CATSPER1: variants seen among roughly 807,000 people sequenced by gnomAD.
CATSPER1 encodes cation channel sperm associated 1.
CATSPER1 carries 57 observed loss-of-function variants against 72.7 expected under a neutral mutation model. The ratio of observed to expected loss-of-function variants is 0.78; its 90% CI spans 0.63 to 0.98. The LOEUF (loss-of-function observed/expected upper bound fraction) is 0.98, where lower values mean the gene tolerates loss of function less well. CATSPER1 is among the 50% of genes least tolerant of loss of function. The pLI is 0.00. For synonymous variants in CATSPER1, 363 were observed against 403.0 expected, an observed-to-expected ratio of 0.90 and a Z score of 1.19; for missense variants, 910 against 1,033.9, an observed-to-expected ratio of 0.88 and a Z score of 1.64.
rs772097950 is a variant in CATSPER1 at position 66,018,856 on chromosome 11, G to A, written c.2172C>T (p.Ile724=). Residue 724 remains isoleucine, a synonymous_variant, in exon 10 of 12, where the codon ATC becomes ATT. Transcript: ENST00000312106. ...CAGTCATGGTCCCAAACTTTTTCTC[G>A]ATGAGCCGCTTCAGCATGGTGCCTT... is the stretch of plus-strand genomic sequence containing the variant. ...ASEGTMLKRL[I]EKKFGTMTEK... is the part of the protein sequence containing the mutation. The A allele has an allele frequency of 3.1e-6, 5 of 1,613,804 alleles. No homozygotes were observed. The highest frequency in any genetic ancestry group is 4.2e-6 in the Non-Finnish European group (5 of 1,180,010).
chr11:66,019,148 C>T (rs867058821), intron 9 of CATSPER1, among the ~76,000 whole-genome samples: 17 of 152,290 alleles, frequency 1.1e-4, no homozygotes, highest in African/African-American at 4.1e-4. Context: ...CAGTCCATGT[C>T]CTTTGGCTGA....
At position 66,017,093 on chromosome 11, in the gene CATSPER1, G is replaced by C. The variant is rs534081949; in HGVS notation, c.2283C>G (p.Ala761=). ...TGGTGTCCACAATCTCATCGATGAC[G>C]GCTGCCTGGGAGCGGAACTTCTGCT... The part of the protein sequence containing the change: ...QEQQKFRSQA[A]VIDEIVDTTF... Residue 761 remains alanine, a synonymous_variant, in exon 11 of 12, where the codon GCC becomes GCG. Transcript: ENST00000312106. The C allele has an allele frequency of 6.2e-7, 1 of 1,613,750 alleles. No homozygotes were observed. Among genetic ancestry groups the C allele is most frequent in the Admixed American group, 1.7e-5 (1 of 59,996 alleles).
Position 66,020,120 on chromosome 11 carries a change from A to C in CATSPER1, c.2125+20T>G. The C allele has an allele frequency of 3.1e-6, 5 of 1,612,418 alleles. No individual in the cohort carries two copies. The highest frequency in any genetic ancestry group is 4.2e-6 in the Non-Finnish European group (5 of 1,179,520). ...CCACTGCGGACGGGCAGGTGGGGCC[A>C]GGGCGGGCCAGGCCCATACCTGCAG... On this transcript the variant is annotated intron_variant, in intron 9 of 11. Coordinates refer to ENST00000312106, the MANE Select transcript of CATSPER1 (RefSeq NM_053054.4). The surrounding 1 kb of genome is among the most constrained non-coding windows in gnomAD (Gnocchi z 4.5).
intron 10 of CATSPER1, among the ~76,000 whole-genome samples, chr11:66,018,377 A>G (rs1350812063): frequency 6.6e-6 from 1 of 152,046 alleles, no homozygotes; most frequent in Non-Finnish European, 1.5e-5. Context: ...GTGGACAGGA[A>G]TGGAGGTTGA....
chr11:66,018,962 C>G lies in CATSPER1; in HGVS notation c.2126-60G>C, dbSNP rs919740502. On this transcript the variant is annotated intron_variant, in intron 9 of 11. Transcript: ENST00000312106. ...TGGATTTGGAGAGGAGGCAGAGGAA[C>G]CCCATGTGTCAGGAAGATAAGGGCT... 20 of 1,405,394 alleles carry G rather than the reference C, an allele frequency of 1.4e-5. No homozygotes were observed. The South Asian group carries it at 1.6e-4, about 11-fold the overall frequency. 87.1% of individuals were successfully genotyped at this position (1,405,394 alleles called of 1,614,324 possible).
rs1395133552 is a variant in CATSPER1, at chr11:66,020,712, C to A, written c.1928-85G>T. On this transcript the variant is annotated intron_variant, in intron 6 of 11. Transcript: ENST00000312106. This position sits in a 1 kb window ranked among gnomAD's most constrained non-coding sequence, Gnocchi z 4.5. The stretch of plus-strand genomic sequence containing the variant: ...TGCTCCCTTCCCATACCCGGACATG[C>A]AGGCATCAGAAGCCCCACTTTGCCG... 1.3e-6 allele frequency: 2 copies of A among 1,595,694 alleles called. No homozygotes were observed. Among genetic ancestry groups the A allele is most frequent in the Admixed American group, 1.7e-5 (1 of 58,830 alleles).
intron 2 of CATSPER1, 75 bp from the exon 3 acceptor site, chr11:66,021,954 C>T: frequency 8.7e-7 from 1 of 1,152,130 alleles, no homozygotes; most frequent in Non-Finnish European, 1.3e-6. Context: ...ATTAGCCTCA[C>T]ACAAGCCCAG....
chr11:66,025,866 C>G lies in CATSPER1; in HGVS notation c.514G>C (p.Ala172Pro), dbSNP rs1178857660. 3.1e-6 allele frequency: 5 copies of G among 1,613,022 alleles called. No individual in the cohort carries two copies. The South Asian group carries it at 4.4e-5, about 14-fold the overall frequency. The change falls in exon 1 of 12, where the codon GCT (alanine) becomes CCT (proline). Residue 172 changes from alanine (A) to proline (P), a missense_variant. Physicochemically the swap from Ala to Pro is conservative, Grantham distance 27 (BLOSUM62 -1). Transcript: ENST00000312106. ...AGGTAGGACCCACCATGGTGGGAAGCCTCACCGTGGTGGGGCACGCCAGAG... is the reference window on the plus strand; with the variant it reads ...AGGTAGGACCCACCATGGTGGGAAGGCTCACCGTGGTGGGGCACGCCAGAG... ...YSSGVPHHGE[A>P]SHHGGSYLPH...
Position 66,019,177 on chromosome 11 carries a change from C to T in CATSPER1, c.2126-275G>A, listed in dbSNP as rs1204044246. Among the ~76,000 whole-genome samples, 3 of 152,062 alleles carry T rather than the reference C, an allele frequency of 2.0e-5. No individual in the cohort carries two copies. The East Asian group carries it at 5.8e-4, about 29-fold the overall frequency. ...TGGCTGAGGTTAGCCCCACCTCCAG[C>T]TTCAGGGATACCCCCTTTCAGTCCA... On this transcript the variant is annotated intron_variant, in intron 9 of 11. Transcript: ENST00000312106.
intron 4 of CATSPER1, 25 bp downstream of exon 4, chr11:66,021,471 C>A (rs1856367855): frequency 6.2e-7 from 1 of 1,610,838 alleles, no homozygotes; most frequent in South Asian, 1.1e-5. Context: ...AGTCCCCACC[C>A]CAGGTGGGAG....
chr11:66,020,392 G>C lies in CATSPER1; in HGVS notation c.1992-3C>G. The C allele has an allele frequency of 6.2e-7, 1 of 1,614,034 alleles. No homozygotes were observed. The highest frequency in any genetic ancestry group is 8.5e-7 in the Non-Finnish European group (1 of 1,180,016). ...CCACCAGGACAGTAATCACCAGGCT[G>C]GGGAGAGGGACAGGGGTGTGCCCTC... On this transcript the variant is annotated splice_polypyrimidine_tract_variant and splice_region_variant and intron_variant, in intron 7 of 11. Coordinates refer to ENST00000312106, the MANE Select transcript of CATSPER1 (RefSeq NM_053054.4). This position sits in a 1 kb window ranked among gnomAD's most constrained non-coding sequence, Gnocchi z 4.5.
Position 66,021,202 on chromosome 11 carries a change from T to C in CATSPER1, c.1692-17A>G, listed in dbSNP as rs1590682762. 1 of 1,608,488 alleles carries C rather than the reference T, an allele frequency of 6.2e-7. No homozygotes were observed. Among genetic ancestry groups the C allele is most frequent in the Non-Finnish European group, 8.5e-7 (1 of 1,177,198 alleles). Reference sequence around the variant, plus strand: ...GTCAGGAAGCTGTGGGCAGAAGGAGTGGGGACTGAGTCATCGGTGAGGGGC... The same window carrying C: ...GTCAGGAAGCTGTGGGCAGAAGGAGCGGGGACTGAGTCATCGGTGAGGGGC... On this transcript the variant is annotated splice_polypyrimidine_tract_variant and intron_variant, in intron 4 of 11. Transcript: ENST00000312106.
Position 66,017,118 on chromosome 11 carries a change from T to C in CATSPER1, c.2258A>G (p.Gln753Arg), listed in dbSNP as rs148760734. 3.5e-5 allele frequency: 53 copies of C among 1,525,128 alleles called. No individual in the cohort carries two copies. Among genetic ancestry groups the C allele is most frequent in the Non-Finnish European group, 4.5e-5 (51 of 1,125,110 alleles). The allele number at this position is 1,525,128 out of a possible 1,614,324, so 94.5% of individuals were successfully genotyped here. ...LQLVASVEQE[Q>R]QKFRSQAAVI... ...GGCTGCCTGGGAGCGGAACTTCTGC[T>C]GCTCCTGCTCCACGCTTGCCACCAG... The change falls in exon 11 of 12, where the codon CAG (glutamine) becomes CGG (arginine). Residue 753 changes from glutamine to arginine, a missense_variant. Coordinates refer to ENST00000312106, the MANE Select transcript of CATSPER1 (RefSeq NM_053054.4).
intron 2 of CATSPER1, among the ~76,000 whole-genome samples, chr11:66,022,498 C>G (rs985736375): frequency 6.6e-6 from 1 of 152,258 alleles, no homozygotes; most frequent in Non-Finnish European, 1.5e-5. Flanking sequence ...CCAGCCTTCC[C>G]CGACCTTACA....
chr11:66,016,780 T>C lies in CATSPER1; in HGVS notation c.*110A>G. 7.5e-7 allele frequency: 1 copy of C among 1,325,190 alleles called. No homozygotes were observed. Among genetic ancestry groups the C allele is most frequent in the Non-Finnish European group, 1.0e-6 (1 of 959,474 alleles). 82.1% of individuals were successfully genotyped at this position (1,325,190 alleles called of 1,614,324 possible). ...GGTTTAAAAACTCTGTTGGGGCCCCTGCTCTGCAGGGCCCGGACAATCATT... is the reference window on the plus strand; with the variant it reads ...GGTTTAAAAACTCTGTTGGGGCCCCCGCTCTGCAGGGCCCGGACAATCATT... On this transcript the variant is annotated 3_prime_UTR_variant, in exon 12 of 12. Transcript: ENST00000312106.
At chr11:66,022,491 G>T (rs1192078451) in intron 2 of CATSPER1, among the ~76,000 whole-genome samples, 1 of 152,268 alleles carries the variant, frequency 6.6e-6, no homozygotes, top group East Asian at 1.9e-4. Context: ...GGAGGGCCCA[G>T]CCTTCCCCGA....
intron 1 of CATSPER1, among the ~76,000 whole-genome samples, chr11:66,024,751 T>C (rs956778402): frequency 6.6e-6 from 1 of 152,068 alleles, no homozygotes; most frequent in South Asian, 2.1e-4. Flanking sequence ...GAATCCACCA[T>C]GGTAAATGTT....
At chr11:66,022,733 G>C (rs1856401326) in intron 2 of CATSPER1, 116 bp downstream of exon 2, 4 of 953,240 alleles carry the variant, frequency 4.2e-6, no homozygotes, top group Non-Finnish European at 1.7e-6. Flanking sequence ...TACTTCCCAG[G>C]GGTGAGGATC....
At chr11:66,019,699 C>A (rs772431731) in intron 9 of CATSPER1, among the ~76,000 whole-genome samples, 5 of 151,848 alleles carry the variant, frequency 3.3e-5, no homozygotes, top group Non-Finnish European at 7.4e-5. Context: ...AGTTTGAAAC[C>A]AGCCTGGCCA....
Sources: allele counts gnomAD v4.1 joint callset (sites outside exome capture counted in the v4.1 genomes callset), GRCh38; gene constraint gnomAD v4.1.1; non-coding constraint Gnocchi (gnomAD v3.1); transcripts MANE v1.5; gene names NCBI Gene and HGNC (gene_info 2026-07-23, HGNC 2026-07-21).